The following PLA2G6 variants were observed in gnomAD, a reference collection of about 807,000 sequenced individuals.
PLA2G6 encodes the protein 85/88 kDa calcium-independent phospholipase A2.
Under a neutral mutation model 83.8 loss-of-function variants are expected in PLA2G6, and 62 were observed. The observed-to-expected ratio is 0.74, with a 90% CI of 0.60 to 0.91. PLA2G6 has a LOEUF of 0.91. PLA2G6 is among the 40% of genes least tolerant of loss of function. PLA2G6 has a pLI of 0.00. For missense variants in PLA2G6, 944 were observed against 1,102.0 expected (o/e 0.86, Z 2.03); for synonymous variants, 417 against 449.8 (o/e 0.93, Z 0.92).
At chr22:38,150,748 T>C (rs1367353460) in intron 2 of PLA2G6, 1 of 152,164 alleles carries the variant, frequency 6.6e-6, no homozygotes, top group African/African-American at 2.4e-5. Context: ...TTCTCAACAA[T>C]GGAACCCAGA....
chr22:38,159,013 A>C (rs997856162), intron 2 of PLA2G6, among the ~76,000 whole-genome samples: 4 of 149,800 alleles, frequency 2.7e-5, no homozygotes, highest in African/African-American at 9.9e-5. Context: ...AGCCTGGCCA[A>C]TATGGTGAAA....
At chr22:38,167,411 G>A (rs1277410513) in intron 2 of PLA2G6, among the ~76,000 whole-genome samples, 1 of 152,158 alleles carries the variant, frequency 6.6e-6, no homozygotes, top group East Asian at 1.9e-4. Context: ...ACAACTGACA[G>A]AACTTGGTGA....
At position 38,123,586 on chromosome 22, in the gene PLA2G6, CCAAAGCAGGTGCCTGATA is replaced by C. The variant is rs995117604; in HGVS notation, c.1428-346_1428-329del. On this transcript the variant is annotated intron_variant, in intron 10 of 16. Transcript: ENST00000332509. The surrounding 1 kb of genome is among the most constrained non-coding windows in gnomAD (Gnocchi z 4.1). ...GATTTTGGTCAGTATCAGGCCTGAT[CCAAAGCAGGTGCCTGATA>C]AAGTCTGTTGGAATTAAATAAGGCT... Among the ~76,000 whole-genome samples the C allele has an allele frequency of 9.2e-5, 14 of 152,070 alleles. No individual in the cohort carries two copies. Among genetic ancestry groups the C allele is most frequent in the Admixed American group, 3.3e-4 (5 of 15,264 alleles).
chr22:38,147,363 G>A (rs2089316915), intron 2 of PLA2G6: 1 of 169,166 alleles, frequency 5.9e-6, no homozygotes, highest in Admixed American at 6.5e-5. Context: ...TACAAGCGCA[G>A]CAGCCAGCCA....
intron 10 of PLA2G6, 26 bp downstream of exon 10, chr22:38,126,345 T>C: frequency 6.3e-7 from 1 of 1,581,376 alleles, no homozygotes; most frequent in Non-Finnish European, 8.7e-7. Context: ...CGTTCCCCGC[T>C]CTGCCCCCGA....
intron 13 of PLA2G6, 44 bp from the exon 14 acceptor site, chr22:38,115,725 G>A: frequency 1.9e-6 from 3 of 1,564,226 alleles, no homozygotes; most frequent in Non-Finnish European, 1.7e-6. Context: ...CAAGGGACTG[G>A]CATAAAACCC....
chr22:38,128,574 C>T lies in PLA2G6; in HGVS notation c.1187-144G>A, dbSNP rs2088013740. The T allele has an allele frequency of 1.3e-5, 11 of 837,604 alleles. No individual in the cohort carries two copies. The East Asian group carries it at 2.9e-4, about 22-fold the overall frequency. The allele number at this position is 837,604 out of a possible 1,614,324, so 51.9% of individuals were successfully genotyped here. A position where few individuals can be genotyped will look rare whatever the true frequency, so the allele number is the denominator to read the frequency against. On this transcript the variant is annotated intron_variant, in intron 8 of 16. Transcript: ENST00000332509. This position sits in a 1 kb window ranked among gnomAD's most constrained non-coding sequence, Gnocchi z 4.4. ...GTGGGCTGCTCCAGAGGCCTCAGCCCACCCTGACAGGGAGTGCTGCCCCCA... is the reference window on the plus strand; with the variant it reads ...GTGGGCTGCTCCAGAGGCCTCAGCCTACCCTGACAGGGAGTGCTGCCCCCA...
At chr22:38,118,849 G>C (rs2087363997) in intron 12 of PLA2G6, among the ~76,000 whole-genome samples, 2 of 151,666 alleles carry the variant, frequency 1.3e-5, no homozygotes, top group African/African-American at 4.8e-5. Context: ...AGCCTCCGGG[G>C]CTCAAGTGAT....
chr22:38,128,084 G>C lies in PLA2G6; in HGVS notation c.1348+185C>G, dbSNP rs2087977629. On this transcript the variant is annotated intron_variant, in intron 9 of 16. Coordinates refer to ENST00000332509, the MANE Select transcript of PLA2G6 (RefSeq NM_003560.4). The surrounding 1 kb of genome is among the most constrained non-coding windows in gnomAD (Gnocchi z 4.4). ...CAACGGAGCATGGGACATCAGCCAG[G>C]GACACCCTAGGCCTCTGGGATCTGT... is the stretch of plus-strand genomic sequence containing the variant. The C allele has an allele frequency of 1.6e-6, 1 of 622,318 alleles. No homozygotes were observed. The highest frequency in any genetic ancestry group is 2.8e-6 in the Non-Finnish European group (1 of 351,036). 38.5% of individuals were successfully genotyped at this position (622,318 alleles called of 1,614,324 possible). A position where few individuals can be genotyped will look rare whatever the true frequency, so the allele number is the denominator to read the frequency against.
chr22:38,120,836 G>T lies in PLA2G6; in HGVS notation c.1665C>A (p.Tyr555Ter). 1 of 1,613,884 alleles carries T rather than the reference G, an allele frequency of 6.2e-7. No individual in the cohort carries two copies. The highest frequency in any genetic ancestry group is 8.5e-7 in the Non-Finnish European group (1 of 1,179,986). ...KDEVFRGSRP[Y>*]ESGPLEEFLK... ...GGAACTCCTCCAGGGGCCCCGACTC[G>T]TAGGGCCTGGAGCCCCGGAACACCT... The change falls in exon 12 of 17, where the codon TAC (tyrosine) becomes TAA (stop). Residue 555 changes from tyrosine to a stop codon, truncating the protein, a stop_gained. Transcript: ENST00000332509. LOFTEE classifies it high-confidence loss of function.
chr22:38,164,194 G>A (rs942808826), intron 2 of PLA2G6, among the ~76,000 whole-genome samples: 2 of 152,196 alleles, frequency 1.3e-5, no homozygotes, highest in Non-Finnish European at 2.9e-5. Context: ...CACGGGGAGA[G>A]CCAGGGCCCC....
intron 1 of PLA2G6, among the ~76,000 whole-genome samples, chr22:38,179,785 A>T (rs1273752884): frequency 6.6e-6 from 1 of 152,022 alleles, no homozygotes; most frequent in African/African-American, 2.4e-5. Context: ...AAAATAAATA[A>T]ATCAATAAAT....
At chr22:38,130,913 A>AT (rs1280683140) in intron 7 of PLA2G6, 1 of 152,262 alleles carries the variant, frequency 6.6e-6, no homozygotes, top group Non-Finnish European at 1.5e-5. Context: ...AGGCAGGAGA[A>AT]TCGCTTGAAC....
At chr22:38,120,478 AGGCAGGGCAGAGCCGGCAGGGCAGAGCCG>A (rs1216551083) in intron 12 of PLA2G6, among the ~76,000 whole-genome samples, 5 of 150,802 alleles carry the variant, frequency 3.3e-5, no homozygotes, top group African/African-American at 4.9e-5. Context: ...GGGCAGAGCC[AGGCAGGGCAGAGCCGGCAGGGCAGAGCCG>A]GGCAGGGCAG....
chr22:38,128,498 C>A lies in PLA2G6; in HGVS notation c.1187-68G>T. 1.9e-6 allele frequency: 3 copies of A among 1,539,350 alleles called. No individual in the cohort carries two copies. Among genetic ancestry groups the A allele is most frequent in the Non-Finnish European group, 2.7e-6 (3 of 1,120,544 alleles). On this transcript the variant is annotated intron_variant, in intron 8 of 16. Transcript: ENST00000332509. The surrounding 1 kb of genome is among the most constrained non-coding windows in gnomAD (Gnocchi z 4.4). Reference sequence around the variant, plus strand: ...ATGATGTCAACATGCAAAGGAGAGGCCCCTCCTTTCCACACTCCGTCCCCT... The same window carrying A: ...ATGATGTCAACATGCAAAGGAGAGGACCCTCCTTTCCACACTCCGTCCCCT...
Position 38,111,751 on chromosome 22 carries a change from G to A in PLA2G6, c.*410C>T. ...AACGGAGCAGAGGGCAGAGGGAGTG[G>A]GCTGCACCCACCAGGAAGCCTGGGA... On this transcript the variant is annotated 3_prime_UTR_variant, in exon 17 of 17. Coordinates refer to ENST00000332509, the MANE Select transcript of PLA2G6 (RefSeq NM_003560.4). 1 of 341,392 alleles carries A rather than the reference G, an allele frequency of 2.9e-6. No homozygotes were observed. 21.1% of individuals were successfully genotyped at this position (341,392 alleles called of 1,614,324 possible).
intron 9 of PLA2G6, chr22:38,126,867 TCTAAGA>T: frequency 2.5e-6 from 1 of 402,000 alleles, no homozygotes; most frequent in South Asian, 2.8e-5. Context: ...CAGGTGAGGC[TCTAAGA>T]GGGTCCATAA....
intron 2 of PLA2G6, chr22:38,167,945 G>A (rs11570618): frequency 2.9e-5 from 5 of 169,726 alleles, no homozygotes; most frequent in Middle Eastern, 1.0e-3. Context: ...CCACCTGCCT[G>A]CAGGCTCACA....
intron 14 of PLA2G6, 96 bp from the exon 15 acceptor site, chr22:38,113,750 G>A: frequency 8.8e-7 from 1 of 1,132,634 alleles, no homozygotes; most frequent in African/African-American, 1.5e-5. Flanking sequence ...TGGGCTCTGG[G>A]GCACATGAGA....
Sources: gnomAD v4.1 joint callset for allele counts (sites outside exome capture counted in the v4.1 genomes callset) on GRCh38, gnomAD v4.1.1 for gene constraint, Gnocchi (gnomAD v3.1) non-coding constraint, MANE v1.5 for transcripts, NCBI Gene and HGNC (gene_info 2026-07-23, HGNC 2026-07-21) for gene names.